Variants in KDM7A observed in about 807,000 individuals in gnomAD.
KDM7A encodes the protein lysine demethylase 7A.
KDM7A carries 28 observed loss-of-function variants against 114.8 expected under a neutral mutation model. The observed-to-expected ratio is 0.24, with a 90% CI of 0.18 to 0.33. The LOEUF (loss-of-function observed/expected upper bound fraction) is 0.33, where lower values mean the gene tolerates loss of function less well. Among genes scored for constraint, KDM7A ranks in the 10% least tolerant of loss-of-function variants. The pLI is 1.00. For synonymous variants in KDM7A, 423 were observed against 397.8 expected, an observed-to-expected ratio of 1.06 and a Z score of -0.75; for missense variants, 942 against 1,142.5, an observed-to-expected ratio of 0.82 and a Z score of 2.53.
Position 140,157,519 on chromosome 7 carries a change from T to G in KDM7A, c.195-18329A>C, listed in dbSNP as rs138874656. Among the ~76,000 whole-genome samples the G allele has an allele frequency of 4.6e-3, 693 of 152,192 alleles. 8 individuals are homozygous for G. Among genetic ancestry groups the G allele is most frequent in the African/African-American group, 0.015 (637 of 41,524 alleles). Reference sequence around the variant, plus strand: ...ATATTTAAAAATTAGCTGGGTGTGTTGGTGCATGCCTGTAGTCCCAGCTAC... The same window carrying G: ...ATATTTAAAAATTAGCTGGGTGTGTGGGTGCATGCCTGTAGTCCCAGCTAC... On this transcript the variant is annotated intron_variant, in intron 1 of 19. Transcript: ENST00000397560.
chr7:140,112,705 G>C (rs550265942), intron 10 of KDM7A, among the ~76,000 whole-genome samples: 89 of 151,258 alleles, frequency 5.9e-4, no homozygotes, highest in African/African-American at 2.0e-3. Context: ...GTTCCATGGA[G>C]TTATAATAAA....
Position 140,104,442 on chromosome 7 carries a change from C to T in KDM7A, c.1429-2282G>A, listed in dbSNP as rs1354504550. On this transcript the variant is annotated intron_variant, in intron 11 of 19. Coordinates refer to ENST00000397560, the MANE Select transcript of KDM7A (RefSeq NM_030647.2). ...TTCTAGGGTTTTTATGGTTTTAGGT[C>T]TACTATTTAAGTCTTTAATCCATCT... 4.6e-5 allele frequency among the ~76,000 whole-genome samples: 7 copies of T among 152,254 alleles called. No individual in the cohort carries two copies. In the East Asian group the frequency reaches 1.4e-3, roughly 29 times the overall value.
At chr7:140,171,449 CAG>C (rs1041375948) in intron 1 of KDM7A, among the ~76,000 whole-genome samples, 4 of 148,936 alleles carry the variant, frequency 2.7e-5, no homozygotes, top group African/African-American at 7.4e-5. Context: ...AGCCTGGAGA[CAG>C]AGCAAGATTC....
intron 3 of KDM7A, among the ~76,000 whole-genome samples, chr7:140,130,185 AG>A (rs1477844290): frequency 6.6e-6 from 1 of 152,246 alleles, no homozygotes; most frequent in Non-Finnish European, 1.5e-5. Flanking sequence ...AAACTACACT[AG>A]AAGACATCAT....
intron 1 of KDM7A, among the ~76,000 whole-genome samples, chr7:140,160,575 T>C (rs928108802): frequency 6.6e-6 from 1 of 152,212 alleles, no homozygotes; most frequent in Non-Finnish European, 1.5e-5. Flanking sequence ...CAGGATGTAA[T>C]ACCAAGGTAA....
intron 1 of KDM7A, among the ~76,000 whole-genome samples, chr7:140,146,160 T>TA (rs1389654109): frequency 6.6e-6 from 1 of 152,158 alleles, no homozygotes; most frequent in Non-Finnish European, 1.5e-5. Flanking sequence ...GATATATCAA[T>TA]AAAAACATGA....
intron 17 of KDM7A, 107 bp downstream of exon 17, chr7:140,096,448 C>T: frequency 1.2e-6 from 1 of 861,092 alleles, no homozygotes; most frequent in Non-Finnish European, 1.8e-6. Flanking sequence ...AACACATTTC[C>T]AATTAAAGAT....
At chr7:140,109,005 C>T (rs1446033760) in intron 11 of KDM7A, among the ~76,000 whole-genome samples, 1 of 152,178 alleles carries the variant, frequency 6.6e-6, no homozygotes, top group Non-Finnish European at 1.5e-5. Flanking sequence ...TGCCACCTTG[C>T]AGTTTGATCT....
At chr7:140,144,620 G>A (rs2116828085) in intron 1 of KDM7A, among the ~76,000 whole-genome samples, 1 of 152,188 alleles carries the variant, frequency 6.6e-6, no homozygotes, top group Non-Finnish European at 1.5e-5. Context: ...GGGGTGATCT[G>A]TAGAACGAAA....
intron 2 of KDM7A, among the ~76,000 whole-genome samples, chr7:140,135,490 T>C (rs543429894): frequency 3.7e-4 from 57 of 152,302 alleles, no homozygotes; most frequent in Admixed American, 1.3e-3. Context: ...TGTGAGCCAC[T>C]GCGCCCAGCC....
At chr7:140,135,037 T>TAAAA (rs58259207) in intron 2 of KDM7A, among the ~76,000 whole-genome samples, 1 of 127,404 alleles carries the variant, frequency 7.8e-6, no homozygotes, top group Non-Finnish European at 1.7e-5. Flanking sequence ...TAAGTCCCAT[T>TAAAA]AAAAAAAAAA....
At chr7:140,150,995 A>G (rs547177692) in intron 1 of KDM7A, among the ~76,000 whole-genome samples, 1 of 151,720 alleles carries the variant, frequency 6.6e-6, no homozygotes, top group East Asian at 2.0e-4. Context: ...ACACCCAGCT[A>G]ATTTTTTGTA....
At chr7:140,116,522 C>T (rs1004447287) in intron 9 of KDM7A, among the ~76,000 whole-genome samples, 4 of 151,966 alleles carry the variant, frequency 2.6e-5, no homozygotes, top group Non-Finnish European at 5.9e-5. Context: ...AGAAGGGAAG[C>T]GGAAAGGTGT....
chr7:140,119,273 T>G (rs931256327), intron 8 of KDM7A, 54 bp from the exon 9 acceptor site: 4 of 968,092 alleles, frequency 4.1e-6, no homozygotes, highest in Non-Finnish European at 4.7e-6. Context: ...CAAAGTTAGA[T>G]GAAAGTAACC....
chr7:140,139,439 C>T (rs915567727), intron 1 of KDM7A, among the ~76,000 whole-genome samples: 1 of 152,024 alleles, frequency 6.6e-6, no homozygotes, highest in Admixed American at 6.6e-5. Flanking sequence ...AGAAATACTG[C>T]AATTATAAGC....
chr7:140,169,265 G>C (rs1312190678), intron 1 of KDM7A, among the ~76,000 whole-genome samples: 1 of 152,118 alleles, frequency 6.6e-6, no homozygotes, highest in Non-Finnish European at 1.5e-5. Context: ...CCAGAAACTT[G>C]GTGGTAGTTG....
intron 1 of KDM7A, among the ~76,000 whole-genome samples, chr7:140,141,445 G>A (rs1794276159): frequency 6.6e-6 from 1 of 151,974 alleles, no homozygotes; most frequent in Non-Finnish European, 1.5e-5. Context: ...AGATGCCAGT[G>A]CCCAAAACCA....
At position 140,166,341 on chromosome 7, in the gene KDM7A, T is replaced by TA. The variant is rs1304608673; in HGVS notation, c.194+10402_194+10403insT. ...TGAGGAATACTTTTTTTTCCTTTTT[T>TA]TTTTTTTTTTTTTTTTGAGGCAGGG... On this transcript the variant is annotated intron_variant, in intron 1 of 19. Coordinates refer to ENST00000397560, the MANE Select transcript of KDM7A (RefSeq NM_030647.2). Among the ~76,000 whole-genome samples the TA allele has an allele frequency of 6.7e-4, 93 of 139,822 alleles. 1 individual carries two copies. Among genetic ancestry groups the TA allele is most frequent in the Admixed American group, 1.2e-3 (17 of 14,460 alleles). The allele number at this position is 139,822 out of a possible 152,430, so 91.7% of individuals were successfully genotyped here.
chr7:140,139,154 A>C lies in KDM7A; in HGVS notation c.231T>G (p.Ile77Met), dbSNP rs540450319. 1 of 1,613,618 alleles carries C rather than the reference A, an allele frequency of 6.2e-7. No homozygotes were observed. The highest frequency in any genetic ancestry group is 1.1e-5 in the South Asian group (1 of 91,054). The part of the protein sequence containing the change: ...VGVEEHHAVD[I>M]DLYHCPNCAV... ...CACAGTTGGGACAGTGATACAGGTC[A>C]ATGTCAACAGCATGATGTTCTTCTA... The change falls in exon 2 of 20, where the codon ATT (isoleucine) becomes ATG (methionine). Residue 77 changes from isoleucine to methionine, a missense_variant. Ile to Met is a conservative substitution (Grantham distance 10). Coordinates refer to ENST00000397560, the MANE Select transcript of KDM7A (RefSeq NM_030647.2).
Sources: gnomAD v4.1 joint callset for allele counts (sites outside exome capture counted in the v4.1 genomes callset) on GRCh38, gnomAD v4.1.1 for gene constraint, MANE v1.5 for transcripts, NCBI Gene and HGNC (gene_info 2026-07-23, HGNC 2026-07-21) for gene names.